Variants in USP34 observed in about 807,000 individuals in gnomAD.
USP34 encodes the protein ubiquitin carboxyl-terminal hydrolase 34.
A neutral mutation model predicts 460.3 loss-of-function variants in USP34; 70 were observed. The ratio of observed to expected loss-of-function variants is 0.15; its 90% confidence interval spans 0.13 to 0.19. The LOEUF (loss-of-function observed/expected upper bound fraction) is 0.19. Among genes scored for constraint, USP34 ranks in the 10% least tolerant of loss-of-function variants. The pLI, the probability that USP34 is intolerant of heterozygous loss-of-function variation, is 1.00. For missense variants in USP34, 3,985 were observed against 4,236.2 expected, an observed-to-expected ratio of 0.94 and a Z score of 1.65; for synonymous variants, 1,647 against 1,405.3, an observed-to-expected ratio of 1.17 and a Z score of -3.85.
intron 29 of USP34, among the ~76,000 whole-genome samples, chr2:61,298,559 A>AAAAAAAAAAAAAAAAAAAAAAAAAAAC (rs1690114189): frequency 6.8e-6 from 1 of 147,490 alleles, no homozygotes; most frequent in Non-Finnish European, 1.5e-5. Flanking sequence ...AAAAAAAAAA[A>AAAAAAAAAAAAAAAAAAAAAAAAAAAC]AAAAAAAAAA....
At chr2:61,398,928 C>G (rs922843166) in intron 3 of USP34, among the ~76,000 whole-genome samples, 1 of 152,172 alleles carries the variant, frequency 6.6e-6, no homozygotes, top group African/African-American at 2.4e-5. Context: ...TCTCAACGAA[C>G]TTTTTCATGG....
intron 57 of USP34, among the ~76,000 whole-genome samples, chr2:61,233,977 T>A (rs1347652014): frequency 6.6e-6 from 1 of 152,226 alleles, no homozygotes; most frequent in East Asian, 1.9e-4. Context: ...GGATGCATGA[T>A]CTATTTAGGT....
rs765484115 is a variant in USP34 at position 61,187,524 on chromosome 2, G to A, written c.*578C>T. 7 of 981,894 alleles carry A rather than the reference G, an allele frequency of 7.1e-6. No homozygotes were observed. Among genetic ancestry groups the A allele is most frequent in the Non-Finnish European group, 8.5e-6 (7 of 826,418 alleles). The allele number at this position is 981,894 out of a possible 1,614,324, so 60.8% of individuals were successfully genotyped here. A position where few individuals can be genotyped will look rare whatever the true frequency, so the allele number is the denominator to read the frequency against. ...GAATAGCAATCAATCAATCAGTCAT[G>A]TCAATAAAAATAAAACAATTATTTT... is the stretch of plus-strand genomic sequence containing the variant. On this transcript the variant is annotated 3_prime_UTR_variant, in exon 80 of 80. Transcript: ENST00000398571.
At chr2:61,198,574 T>A (rs1044237851) in intron 75 of USP34, among the ~76,000 whole-genome samples, 14 of 148,664 alleles carry the variant, frequency 9.4e-5, no homozygotes, top group African/African-American at 3.2e-4. Flanking sequence ...TTTTTTTTTT[T>A]AAGAGAGAGA....
At chr2:61,188,738 T>C in intron 79 of USP34, 29 bp from the exon 80 acceptor site, 4 of 1,601,234 alleles carry the variant, frequency 2.5e-6, no homozygotes, top group Non-Finnish European at 3.4e-6. Context: ...AAAGGGAAAC[T>C]TCTCTGAAAG....
intron 72 of USP34, among the ~76,000 whole-genome samples, 166 bp from the exon 73 acceptor site, chr2:61,204,767 G>T (rs932605629): frequency 6.6e-6 from 1 of 152,106 alleles, no homozygotes; most frequent in Admixed American, 6.5e-5. Context: ...ATCAAGTTTA[G>T]ATCAACAGAG....
intron 6 of USP34, among the ~76,000 whole-genome samples, chr2:61,381,831 A>G (rs2103866364): frequency 6.6e-6 from 1 of 152,276 alleles, no homozygotes; most frequent in Middle Eastern, 3.4e-3. Flanking sequence ...CTACAAGTTC[A>G]TACTCCCAAT....
At chr2:61,339,774 A>G in intron 16 of USP34, 93 bp from the exon 17 acceptor site, 1 of 568,012 alleles carries the variant, frequency 1.8e-6, no homozygotes, top group Non-Finnish European at 2.8e-6. Flanking sequence ...AGAAAAGTAC[A>G]CGATATTTTT....
intron 49 of USP34, among the ~76,000 whole-genome samples, chr2:61,248,310 A>C (rs539476265): frequency 6.6e-6 from 1 of 152,302 alleles, no homozygotes; most frequent in East Asian, 1.9e-4. Flanking sequence ...CAGTATACAG[A>C]AGAGTGCCTA....
chr2:61,320,558 A>G (rs1363742945), intron 21 of USP34, among the ~76,000 whole-genome samples: 1 of 152,196 alleles, frequency 6.6e-6, no homozygotes, highest in African/African-American at 2.4e-5. Context: ...TATTTATATA[A>G]AAGTGTATAA....
At chr2:61,314,804 A>C (rs781767896) in intron 24 of USP34, 60 bp from the exon 25 acceptor site, 7 of 1,586,878 alleles carry the variant, frequency 4.4e-6, no homozygotes, top group Non-Finnish European at 6.0e-6. Context: ...GCTATATCAA[A>C]GAAAAATTTT....
At chr2:61,408,949 G>A (rs913936090) in intron 2 of USP34, among the ~76,000 whole-genome samples, 35 of 152,008 alleles carry the variant, frequency 2.3e-4, no homozygotes, top group African/African-American at 8.0e-4. Flanking sequence ...CGGGGGGTGC[G>A]CTGTCTCAGC....
rs183541535 is a variant in USP34, at chr2:61,460,077, G to T, written c.43+10573C>A. On this transcript the variant is annotated intron_variant, in intron 1 of 79. Coordinates refer to ENST00000398571, the MANE Select transcript of USP34 (RefSeq NM_014709.4). ...ACTCCATCTCAGAAAAAAGATACTT[G>T]AAAACAGTTTTATGTTGGCTTTTTT... Among the ~76,000 whole-genome samples, 420 of 152,148 alleles carry T rather than the reference G, an allele frequency of 2.8e-3. 1 individual carries two copies. The highest frequency in any genetic ancestry group is 9.4e-3 in the African/African-American group (391 of 41,538).
intron 25 of USP34, among the ~76,000 whole-genome samples, chr2:61,312,252 G>A (rs1452189780): frequency 1.3e-5 from 2 of 151,172 alleles, no homozygotes; most frequent in Admixed American, 6.6e-5. Flanking sequence ...TCCAGCAAAT[G>A]AAATAGCAAG....
chr2:61,283,630 G>A (rs1689602346), intron 35 of USP34, among the ~76,000 whole-genome samples, 181 bp from the exon 36 acceptor site: 1 of 151,820 alleles, frequency 6.6e-6, no homozygotes, highest in Non-Finnish European at 1.5e-5. Context: ...TGTTTTAAAA[G>A]ACAGGAGACA....
At chr2:61,459,940 T>C (rs1695551975) in intron 1 of USP34, among the ~76,000 whole-genome samples, 1 of 152,090 alleles carries the variant, frequency 6.6e-6, no homozygotes, top group Non-Finnish European at 1.5e-5. Flanking sequence ...CGGACGCCTG[T>C]AGTCCCAGCC....
chr2:61,349,321 T>C (rs1003591350), intron 12 of USP34, 36 bp from the exon 13 acceptor site: 2 of 1,604,412 alleles, frequency 1.2e-6, no homozygotes, highest in African/African-American at 1.3e-5. Context: ...AAAAACATTC[T>C]AAGTGACTCA....
At position 61,281,104 on chromosome 2, in the gene USP34, G is replaced by A. The variant is rs775148053; in HGVS notation, c.5137C>T (p.Leu1713Phe). The change falls in exon 38 of 80, where the codon CTC (leucine) becomes TTC (phenylalanine). Residue 1713 changes from leucine (L) to phenylalanine (F), a missense_variant. Leu to Phe is a conservative substitution (Grantham distance 22). Transcript: ENST00000398571. The part of the protein sequence containing the change: ...LLKFLPDAQA[L>F]KPIRIDDYEE... ...TAAAATCTTACCCTAATAGGTTTGAGTGCTTGAGCATCAGGAAGAAATTTC... is the reference window on the plus strand; with the variant it reads ...TAAAATCTTACCCTAATAGGTTTGAATGCTTGAGCATCAGGAAGAAATTTC... 3.7e-6 allele frequency: 6 copies of A among 1,613,568 alleles called. No homozygotes were observed. The highest frequency in any genetic ancestry group is 5.1e-6 in the Non-Finnish European group (6 of 1,179,714).
chr2:61,385,901 C>A (rs897344307), intron 5 of USP34, among the ~76,000 whole-genome samples: 3 of 148,222 alleles, frequency 2.0e-5, no homozygotes, highest in Admixed American at 1.4e-4. Flanking sequence ...GATGCTGAGA[C>A]AGGAGAATCA....
Sources: gnomAD v4.1 joint callset for allele counts (sites outside exome capture counted in the v4.1 genomes callset) on GRCh38, gnomAD v4.1.1 for gene constraint, MANE v1.5 for transcripts, NCBI Gene and HGNC (gene_info 2026-07-23, HGNC 2026-07-21) for gene names.